Variants in LYZ observed in about 807,000 individuals in gnomAD.
LYZ encodes the protein lysozyme.
LYZ carries 18 observed loss-of-function variants against 15.8 expected under a neutral mutation model. The ratio of observed to expected loss-of-function variants is 1.14; its 90% CI spans 0.79 to 1.69. The LOEUF (loss-of-function observed/expected upper bound fraction) is 1.69. LYZ is among the 40% of genes most tolerant of loss of function. The pLI, the probability that LYZ is intolerant of heterozygous loss-of-function variation, is 0.00. For missense variants in LYZ, 139 were observed against 182.8 expected (o/e 0.76, Z 1.38); for synonymous variants, 60 against 61.7 (o/e 0.97, Z 0.13).
rs1480337938 is a variant in LYZ at position 69,353,265 on chromosome 12, A to C, written c.*46A>C. The stretch of plus-strand genomic sequence containing the variant: ...AGCTCATTTTGTCTCTCTCACATTA[A>C]GGGAGTAGGAATTAAGTGAAAGGTC... On this transcript the variant is annotated 3_prime_UTR_variant, in exon 4 of 4. Coordinates refer to ENST00000261267, the MANE Select transcript of LYZ (RefSeq NM_000239.3). The C allele has an allele frequency of 7.2e-7, 1 of 1,396,780 alleles. No homozygotes were observed. The highest frequency in any genetic ancestry group is 2.3e-5 in the East Asian group (1 of 43,890). 86.5% of individuals were successfully genotyped at this position (1,396,780 alleles called of 1,614,324 possible).
At chr12:69,351,244 T>C (rs924181044) in intron 2 of LYZ, among the ~76,000 whole-genome samples, 2 of 152,076 alleles carry the variant, frequency 1.3e-5, no homozygotes, top group Non-Finnish European at 2.9e-5. Context: ...CTCATAAAAA[T>C]AGAAATACCA....
chr12:69,352,800 G>A (rs546257742), intron 3 of LYZ, among the ~76,000 whole-genome samples: 4 of 152,284 alleles, frequency 2.6e-5, no homozygotes, highest in Admixed American at 6.5e-5. Flanking sequence ...GCTTGAACCC[G>A]GGAGGTGGAG....
intron 2 of LYZ, among the ~76,000 whole-genome samples, chr12:69,351,016 C>G (rs1228214896): frequency 6.6e-6 from 1 of 151,952 alleles, no homozygotes; most frequent in African/African-American, 2.4e-5. Context: ...AGCAATCTTC[C>G]CACCTCAGCC....
chr12:69,350,042 T>C (rs1874805075), intron 1 of LYZ, 66 bp from the exon 2 acceptor site: 1 of 1,345,188 alleles, frequency 7.4e-7, no homozygotes, highest in African/African-American at 1.4e-5. Flanking sequence ...TAAGTAGAAC[T>C]GATTTTGCTA....
At position 69,353,299 on chromosome 12, in the gene LYZ, A is replaced by G. The variant is rs769164902; in HGVS notation, c.*80A>G. The G allele has an allele frequency of 3.4e-5, 35 of 1,040,434 alleles. No homozygotes were observed. Among genetic ancestry groups the G allele is most frequent in the Non-Finnish European group, 5.2e-5 (34 of 656,650 alleles). 64.5% of individuals were successfully genotyped at this position (1,040,434 alleles called of 1,614,324 possible). A position where few individuals can be genotyped will look rare whatever the true frequency, so the allele number is the denominator to read the frequency against. ...GAATTAAGTGAAAGGTCACACTACC[A>G]TTATTTCCCCTTCAAACAAATAATA... On this transcript the variant is annotated 3_prime_UTR_variant, in exon 4 of 4. Coordinates refer to ENST00000261267, the MANE Select transcript of LYZ (RefSeq NM_000239.3).
chr12:69,352,599 C>T (rs1456649274), intron 3 of LYZ, among the ~76,000 whole-genome samples: 2 of 152,214 alleles, frequency 1.3e-5, no homozygotes, highest in Non-Finnish European at 2.9e-5. Context: ...GTGGGCCGGG[C>T]ACAGTGGCTC....
In LYZ at chr12:69,350,737, C is replaced by CTTTTTTTTT. The variant is rs60163961; in HGVS notation, c.301+489_301+497dup. Among the ~76,000 whole-genome samples the CTTTTTTTTT allele has an allele frequency of 5.0e-4, 13 of 26,036 alleles. 1 individual carries two copies. Among genetic ancestry groups the CTTTTTTTTT allele is most frequent in the African/African-American group, 9.1e-4 (9 of 9,916 alleles). The allele number at this position is 26,036 out of a possible 152,430, so 17.1% of individuals were successfully genotyped here. On this transcript the variant is annotated intron_variant, in intron 2 of 3. Transcript: ENST00000261267. Reference sequence around the variant, plus strand: ...TTTGCCATAGTTGCTTCTTCTATGCCTTTTTTTTTTTTTTTTTTTTTTTTT... The same window carrying CTTTTTTTTT: ...TTTGCCATAGTTGCTTCTTCTATGCCTTTTTTTTTTTTTTTTTTTTTTTTTTTTTTTTTT...
chr12:69,349,498 G>A (rs1222140736), intron 1 of LYZ, among the ~76,000 whole-genome samples: 1 of 152,186 alleles, frequency 6.6e-6, no homozygotes, highest in East Asian at 1.9e-4. Context: ...GATGTGCCAT[G>A]AGGAAAAGTT....
chr12:69,349,922 G>T (rs1196204149), intron 1 of LYZ, among the ~76,000 whole-genome samples, 186 bp from the exon 2 acceptor site: 2 of 152,114 alleles, frequency 1.3e-5, no homozygotes, highest in East Asian at 3.9e-4. Context: ...AAGATGATTT[G>T]CATTACAAAA....
chr12:69,350,600 T>C, intron 2 of LYZ: 1 of 286,938 alleles, frequency 3.5e-6, no homozygotes, highest in Non-Finnish European at 6.7e-6. Context: ...ATGGTCCTTT[T>C]TCAATTGTTT....
chr12:69,352,847 C>T (rs934979363), intron 3 of LYZ, among the ~76,000 whole-genome samples: 29 of 152,092 alleles, frequency 1.9e-4, no homozygotes, highest in Non-Finnish European at 1.2e-4. Context: ...TCAGCCTGGG[C>T]GACAGAGTGA....
intron 1 of LYZ, among the ~76,000 whole-genome samples, chr12:69,349,338 T>C (rs1874791180): frequency 6.6e-6 from 1 of 152,176 alleles, no homozygotes; most frequent in Admixed American, 6.6e-5. Context: ...TTTTAAAGAA[T>C]ATATTGAATT....
At chr12:69,348,669 A>T in intron 1 of LYZ, 125 bp downstream of exon 1, 1 of 1,188,488 alleles carries the variant, frequency 8.4e-7, no homozygotes, top group Non-Finnish European at 1.2e-6. Flanking sequence ...TTGTATACTT[A>T]CAATGGCTAA....
At chr12:69,350,602 C>A in intron 2 of LYZ, 2 of 271,230 alleles carry the variant, frequency 7.4e-6, no homozygotes, top group South Asian at 4.3e-5. Context: ...GGTCCTTTTT[C>A]AATTGTTTTA....
At chr12:69,350,788 G>T (rs370601516) in intron 2 of LYZ, among the ~76,000 whole-genome samples, 730 of 21,348 alleles carry the variant, frequency 0.034, 3 homozygotes, top group Admixed American at 0.052. Flanking sequence ...TTTTTTGTTT[G>T]GTTTTGTTTT....
At chr12:69,353,093 T>C (rs1874878308) in intron 3 of LYZ, 60 bp from the exon 4 acceptor site, 3 of 1,134,554 alleles carry the variant, frequency 2.6e-6, no homozygotes, top group African/African-American at 3.0e-5. Flanking sequence ...GTGCGAAGTA[T>C]GTATATTACA....
chr12:69,353,455 C>T lies in LYZ; in HGVS notation c.*236C>T. ...AGAACTAATACTGGTGAAAATTTAC[C>T]TAAAACCTTGGTTATCAAATACATC... On this transcript the variant is annotated 3_prime_UTR_variant, in exon 4 of 4. Transcript: ENST00000261267. 1 of 570,912 alleles carries T rather than the reference C, an allele frequency of 1.8e-6. No homozygotes were observed. The highest frequency in any genetic ancestry group is 3.1e-6 in the Non-Finnish European group (1 of 321,364). 35.4% of individuals were successfully genotyped at this position (570,912 alleles called of 1,614,324 possible).
rs1161502072 is a variant in LYZ, at chr12:69,350,014, C to T, written c.137-94C>T. 3 of 1,000,550 alleles carry T rather than the reference C, an allele frequency of 3.0e-6. No homozygotes were observed. In the African/African-American group the frequency reaches 4.8e-5, roughly 16 times the overall value. The allele number at this position is 1,000,550 out of a possible 1,614,324, so 62.0% of individuals were successfully genotyped here. On this transcript the variant is annotated intron_variant, in intron 1 of 3. Transcript: ENST00000261267. Reference sequence around the variant, plus strand: ...AAATCTTTATACTTATAAAACAAATCAGTAAAATAGAAGTAGCTAAGTAGA... The same window carrying T: ...AAATCTTTATACTTATAAAACAAATTAGTAAAATAGAAGTAGCTAAGTAGA...
rs1262134966 is a variant in LYZ, at chr12:69,353,264, A to T, written c.*45A>T. On this transcript the variant is annotated 3_prime_UTR_variant, in exon 4 of 4. Transcript: ENST00000261267. ...CAGCTCATTTTGTCTCTCTCACATT[A>T]AGGGAGTAGGAATTAAGTGAAAGGT... 7.1e-7 allele frequency: 1 copy of T among 1,405,082 alleles called. No homozygotes were observed. Among genetic ancestry groups the T allele is most frequent in the Admixed American group, 1.7e-5 (1 of 59,764 alleles). The allele number at this position is 1,405,082 out of a possible 1,614,324, so 87.0% of individuals were successfully genotyped here. A position where few individuals can be genotyped will look rare whatever the true frequency, so the allele number is the denominator to read the frequency against.
Sources: allele counts gnomAD v4.1 joint callset (sites outside exome capture counted in the v4.1 genomes callset), GRCh38; gene constraint gnomAD v4.1.1; transcripts MANE v1.5; gene names NCBI Gene and HGNC (gene_info 2026-07-23, HGNC 2026-07-21).